Variants in DNAH11 observed in about 807,000 individuals in gnomAD.
The protein encoded by DNAH11 is axonemal beta dynein heavy chain 11.
DNAH11 carries 442 observed loss-of-function variants against 526.0 expected under a neutral mutation model. The observed-to-expected ratio is 0.84, with a 90% CI of 0.78 to 0.91. DNAH11 has a LOEUF of 0.91. Ranked by LOEUF, DNAH11 falls within the 40% of genes least tolerant of loss-of-function variation. The pLI is 0.00. For synonymous variants in DNAH11, 2,461 were observed against 1,935.9 expected (o/e 1.27, Z -7.12); for missense variants, 6,989 against 5,448.7 (o/e 1.28, Z -8.90).
At chr7:21,765,130 G>A (rs190881212) in intron 54 of DNAH11, among the ~76,000 whole-genome samples, 1 of 152,160 alleles carries the variant, frequency 6.6e-6, no homozygotes, top group African/African-American at 2.4e-5. Flanking sequence ...TGTTACTTGT[G>A]TAATGTAAAT....
chr7:21,695,744 A>G (rs1386192593), intron 35 of DNAH11, among the ~76,000 whole-genome samples: 1 of 152,242 alleles, frequency 6.6e-6, no homozygotes, highest in East Asian at 1.9e-4. Flanking sequence ...GACAAATGGG[A>G]TCTAATTAAA....
At chr7:21,762,479 T>A (rs77977394) in intron 54 of DNAH11, among the ~76,000 whole-genome samples, 5,336 of 152,248 alleles carry the variant, frequency 0.035, 293 homozygotes, top group African/African-American at 0.12. Flanking sequence ...ATGAGTTGGG[T>A]GTGGGAAACC....
At chr7:21,658,606 C>T (rs1192117651) in intron 29 of DNAH11, among the ~76,000 whole-genome samples, 192 bp from the exon 30 acceptor site, 1 of 152,074 alleles carries the variant, frequency 6.6e-6, no homozygotes, top group East Asian at 1.9e-4. Flanking sequence ...AGGCGGGTTC[C>T]TGCAGGAGAA....
intron 63 of DNAH11, among the ~76,000 whole-genome samples, chr7:21,810,630 G>A (rs527588879): frequency 3.3e-5 from 5 of 152,160 alleles, no homozygotes; most frequent in East Asian, 1.9e-4. Flanking sequence ...AACCCAAGAC[G>A]TATTTGGACA....
chr7:21,831,110 A>C (rs1031286964), intron 65 of DNAH11, among the ~76,000 whole-genome samples: 17 of 152,186 alleles, frequency 1.1e-4, no homozygotes, highest in Non-Finnish European at 2.4e-4. Flanking sequence ...GTGGAGCTGG[A>C]AGATGGATTA....
At chr7:21,782,059 G>A (rs970994940) in intron 57 of DNAH11, among the ~76,000 whole-genome samples, 1 of 152,202 alleles carries the variant, frequency 6.6e-6, no homozygotes, top group Admixed American at 6.5e-5. Flanking sequence ...ACAGTCACAT[G>A]GTGAGCTTGG....
chr7:21,588,494 C>A lies in DNAH11; in HGVS notation c.1849-18C>A. On this transcript the variant is annotated intron_variant, in intron 10 of 81. Coordinates refer to ENST00000409508, the MANE Select transcript of DNAH11 (RefSeq NM_001277115.2). ...AAATGTTCCCTTTCTTCCTCTTCAC[C>A]AAAATATCAACTTGCAGATTGAATG... is the stretch of plus-strand genomic sequence containing the variant. 1 of 1,611,850 alleles carries A rather than the reference C, an allele frequency of 6.2e-7. No individual in the cohort carries two copies. Among genetic ancestry groups the A allele is most frequent in the South Asian group, 1.1e-5 (1 of 90,692 alleles).
intron 8 of DNAH11, among the ~76,000 whole-genome samples, chr7:21,578,208 C>G (rs896980959): frequency 1.3e-5 from 2 of 152,128 alleles, no homozygotes; most frequent in Non-Finnish European, 2.9e-5. Context: ...CCTGTAAAAT[C>G]AAAAACAAGT....
At chr7:21,826,014 A>G (rs763844871) in intron 65 of DNAH11, among the ~76,000 whole-genome samples, 40 of 152,150 alleles carry the variant, frequency 2.6e-4, no homozygotes, top group Non-Finnish European at 5.9e-4. Context: ...AGACTCTGAA[A>G]GGTGGACCGT....
At chr7:21,874,945 A>T (rs982340846) in intron 74 of DNAH11, among the ~76,000 whole-genome samples, 1 of 152,260 alleles carries the variant, frequency 6.6e-6, no homozygotes, top group Non-Finnish European at 1.5e-5. Context: ...TAGAAATATC[A>T]TTCTCTACGA....
At chr7:21,617,050 G>T (rs1785814822) in intron 22 of DNAH11, among the ~76,000 whole-genome samples, 1 of 152,102 alleles carries the variant, frequency 6.6e-6, no homozygotes, top group Admixed American at 6.6e-5. Flanking sequence ...GGGTCACATT[G>T]TCCTTTATTT....
In DNAH11 at chr7:21,833,166, T is replaced by A. The variant is rs530263185; in HGVS notation, c.10692-9378T>A. Among the ~76,000 whole-genome samples, 438 of 152,374 alleles carry A rather than the reference T, an allele frequency of 2.9e-3. 1 individual carries two copies. Among genetic ancestry groups the A allele is most frequent in the South Asian group, 9.5e-3 (46 of 4,830 alleles). On this transcript the variant is annotated intron_variant, in intron 65 of 81. Transcript: ENST00000409508. ...GACTTAAATTTACATTTTGTATTTG[T>A]TTAATTTTTAATTATAGGAATGTAT...
intron 10 of DNAH11, 23 bp from the exon 11 acceptor site, chr7:21,588,489 T>C: frequency 6.2e-7 from 1 of 1,612,166 alleles, no homozygotes; most frequent in South Asian, 1.1e-5. Context: ...TTTCTTCCTC[T>C]TCACCAAAAT....
intron 61 of DNAH11, among the ~76,000 whole-genome samples, chr7:21,795,415 G>C (rs1055305158): frequency 1.3e-5 from 2 of 152,128 alleles, no homozygotes; most frequent in African/African-American, 4.8e-5. Context: ...TACTTGATCA[G>C]TTTCCCTGTT....
At position 21,899,419 on chromosome 7, in the gene DNAH11, G is replaced by T; in HGVS notation, c.13133G>T (p.Gly4378Val). 1 of 1,613,818 alleles carries T rather than the reference G, an allele frequency of 6.2e-7. No homozygotes were observed. Among genetic ancestry groups the T allele is most frequent in the Admixed American group, 1.7e-5 (1 of 60,018 alleles). The change falls in exon 80 of 82, where the codon GGC becomes GTC. Residue 4378 changes from glycine to valine, a missense_variant. Transcript: ENST00000409508. ...CTTCCGGCTGTCGTGTGGCTCTCCG[G>T]CTTCTTCAACCCTCAGTCCTTCTTA... is the stretch of plus-strand genomic sequence containing the variant. ...LTLPAVVWLS[G>V]FFNPQSFLTA...
intron 2 of DNAH11, among the ~76,000 whole-genome samples, chr7:21,549,983 C>A (rs7806834): frequency 0.66 from 100,988 of 151,994 alleles, 35,404 homozygotes; most frequent in East Asian, 0.95. Context: ...GTCCCCTGCC[C>A]GTTTCCATTT....
chr7:21,787,825 G>A (rs572430703), intron 60 of DNAH11, among the ~76,000 whole-genome samples: 121 of 152,128 alleles, frequency 8.0e-4, no homozygotes, highest in Non-Finnish European at 1.4e-3. Context: ...AGAGCAGTAA[G>A]TAATTAGATG....
chr7:21,796,764 C>A (rs767186827), intron 61 of DNAH11, among the ~76,000 whole-genome samples: 5 of 152,210 alleles, frequency 3.3e-5, no homozygotes, highest in Non-Finnish European at 7.3e-5. Context: ...CATGGACTCT[C>A]TAATTTCCTC....
At chr7:21,669,473 T>C (rs947580208) in intron 30 of DNAH11, among the ~76,000 whole-genome samples, 1 of 152,280 alleles carries the variant, frequency 6.6e-6, no homozygotes, top group African/African-American at 2.4e-5. Context: ...GCCTGGTCTT[T>C]TTTAATTGTT....
Sources: gnomAD v4.1 joint callset for allele counts (sites outside exome capture counted in the v4.1 genomes callset) on GRCh38, gnomAD v4.1.1 for gene constraint, MANE v1.5 for transcripts, NCBI Gene and HGNC (gene_info 2026-07-23, HGNC 2026-07-21) for gene names.